The following ABI2 variants were observed in gnomAD, a reference collection of about 807,000 sequenced individuals.
The protein encoded by ABI2 is abl interactor 2.
A neutral mutation model predicts 59.2 loss-of-function variants in ABI2; 25 were observed. The observed-to-expected ratio is 0.42, with a 90% confidence interval of 0.31 to 0.59. The LOEUF is 0.59. ABI2 is among the 20% of genes least tolerant of loss of function. The pLI is 0.14. For synonymous variants in ABI2, 213 were observed against 235.5 expected (o/e 0.90, Z 0.87); for missense variants, 545 against 681.8 (o/e 0.80, Z 2.23).
In ABI2 at chr2:203,417,076, A is replaced by G. The variant is rs2097920497; in HGVS notation, c.1448A>G (p.Glu483Gly). ...DPPWAPRSYL[E>G]KVVAIYDYTK... ...CCGTGGGCTCCACGTTCTTACTTGGAAAAGGGTAAGTTTCAGAAGGATATC... is the reference window on the plus strand; with the variant it reads ...CCGTGGGCTCCACGTTCTTACTTGGGAAAGGGTAAGTTTCAGAAGGATATC... Residue 483 changes from glutamate to glycine, a missense_variant, in exon 11 of 12, where the codon GAA (glutamate) becomes GGA (glycine). Glu to Gly is a moderately conservative substitution (Grantham distance 98). Around this residue, in one of 4 missense-constraint regions of ABI2, gnomAD observed 44 missense variants for 106.4 expected, o/e 0.41. Coordinates refer to ENST00000261018, the MANE Select transcript of ABI2 (RefSeq NM_001375670.1). 3.1e-6 allele frequency: 5 copies of G among 1,608,074 alleles called. No individual in the cohort carries two copies. The highest frequency in any genetic ancestry group is 2.2e-5 in the East Asian group (1 of 44,684).
chr2:203,333,528 G>A (rs2074970864), intron 1 of ABI2, among the ~76,000 whole-genome samples: 1 of 152,098 alleles, frequency 6.6e-6, no homozygotes, highest in African/African-American at 2.4e-5. Context: ...AGAGTAAGGA[G>A]ACTGAGTAGA....
At chr2:203,346,804 T>G (rs2083892007) in intron 1 of ABI2, among the ~76,000 whole-genome samples, 1 of 152,160 alleles carries the variant, frequency 6.6e-6, no homozygotes, top group South Asian at 2.1e-4. Flanking sequence ...AAGGAGGGGA[T>G]GTGATGTATG....
At position 203,395,656 on chromosome 2, in the gene ABI2, C is replaced by T. The variant is rs1417686243; in HGVS notation, c.726C>T (p.Ser242=). The change falls in exon 7 of 12, where the codon AGC becomes AGT. Residue 242 remains serine (S), a splice_region_variant and synonymous_variant. Transcript: ENST00000261018. ...GTTTTGGTGGCTCTTATTTCTTTAG[C>T]AGCAGTGGGAGTAGTGGAGGGAGCC... ...ASVNQRNRTY[S]SSGSSGGSHP... is the part of the protein sequence containing the mutation. 6.2e-7 allele frequency: 1 copy of T among 1,606,144 alleles called. No individual in the cohort carries two copies. Among genetic ancestry groups the T allele is most frequent in the East Asian group, 2.3e-5 (1 of 44,372 alleles).
chr2:203,420,926 G>A lies in ABI2; in HGVS notation c.1453+3845G>A, dbSNP rs546868208. On this transcript the variant is annotated intron_variant, in intron 11 of 11. Coordinates refer to ENST00000261018, the MANE Select transcript of ABI2 (RefSeq NM_001375670.1). ...GGAATCACGTGAGTGAGAGGGCATG[G>A]CTGTTTGGGGCAGAGCAGTGTCCAG... Among the ~76,000 whole-genome samples, 20 of 148,648 alleles carry A rather than the reference G, an allele frequency of 1.3e-4. 1 individual carries two copies. The East Asian group carries it at 4.0e-3, about 30-fold the overall frequency.
At chr2:203,363,143 C>T (rs2093769327) in intron 1 of ABI2, among the ~76,000 whole-genome samples, 1 of 44,972 alleles carries the variant, frequency 2.2e-5, no homozygotes, top group Non-Finnish European at 4.2e-5. Context: ...ATTTTAAATA[C>T]TTTTACATTA....
At chr2:203,353,900 A>G (rs1033283357) in intron 1 of ABI2, among the ~76,000 whole-genome samples, 1 of 152,180 alleles carries the variant, frequency 6.6e-6, no homozygotes, top group South Asian at 2.1e-4. Context: ...CATTTTTACT[A>G]TGAGATATGG....
intron 10 of ABI2, among the ~76,000 whole-genome samples, chr2:203,414,456 T>TCC (rs2097806762): frequency 6.6e-6 from 1 of 152,030 alleles, no homozygotes; most frequent in Non-Finnish European, 1.5e-5. Context: ...CATCCTACCC[T>TCC]CCCCTCTTCC....
Position 203,430,343 on chromosome 2 carries a change from T to C in ABI2, c.*2991T>C, listed in dbSNP as rs935263252. ...CAATAAAGCAACCATTTTATCAAGA[T>C]AGAGGGATTCTAATGGGAGAGGGGA... is the stretch of plus-strand genomic sequence containing the variant. On this transcript the variant is annotated 3_prime_UTR_variant, in exon 12 of 12. Coordinates refer to ENST00000261018, the MANE Select transcript of ABI2 (RefSeq NM_001375670.1). 6.6e-6 allele frequency: 1 copy of C among 152,150 alleles called. No individual in the cohort carries two copies. The highest frequency in any genetic ancestry group is 2.4e-5 in the African/African-American group (1 of 41,422). The allele number at this position is 152,150 out of a possible 1,614,324, so 9.4% of individuals were successfully genotyped here.
chr2:203,415,868 T>G (rs1225470242), intron 10 of ABI2, among the ~76,000 whole-genome samples: 1 of 152,212 alleles, frequency 6.6e-6, no homozygotes, highest in Non-Finnish European at 1.5e-5. Flanking sequence ...GAAGATAATC[T>G]TTTTGATGTT....
At chr2:203,376,526 AAAG>A (rs1342716632) in intron 2 of ABI2, among the ~76,000 whole-genome samples, 1 of 152,206 alleles carries the variant, frequency 6.6e-6, no homozygotes, top group African/African-American at 2.4e-5. Context: ...TTTGATATAA[AAAG>A]CAACAACAAA....
At position 203,391,108 on chromosome 2, in the gene ABI2, C is replaced by T; in HGVS notation, c.543C>T (p.Pro181=). Residue 181 remains proline (P), a synonymous_variant, in exon 5 of 12, where the codon CCC becomes CCT. Transcript: ENST00000261018. ...GTACAACACCTCCAACTCAGAAGCC[C>T]CCTAGTCCCCCTATGTCAGGGAAAG... ...LPRTTPPTQK[P]PSPPMSGKGT... 3 of 1,613,700 alleles carry T rather than the reference C, an allele frequency of 1.9e-6. No individual in the cohort carries two copies. Among genetic ancestry groups the T allele is most frequent in the South Asian group, 2.2e-5 (2 of 90,970 alleles).
intron 3 of ABI2, 149 bp downstream of exon 3, chr2:203,380,533 G>C (rs140750193): frequency 3.4e-4 from 149 of 442,672 alleles, no homozygotes; most frequent in African/African-American, 2.4e-3. Flanking sequence ...TACTATAACT[G>C]TTTTACCCTT....
At chr2:203,352,980 G>A (rs1189224768) in intron 1 of ABI2, among the ~76,000 whole-genome samples, 1 of 152,220 alleles carries the variant, frequency 6.6e-6, no homozygotes, top group Non-Finnish European at 1.5e-5. Flanking sequence ...GGTTTGTCGT[G>A]TAGGAGCAGT....
rs2096427631 is a variant in ABI2 at position 203,385,139 on chromosome 2, C to CATTTTTTTTTTTTTTTTTTTT, written c.480+2933_480+2934insATTTTTTTTTTTTTTTTTTTT. On this transcript the variant is annotated intron_variant, in intron 4 of 11. Transcript: ENST00000261018. ...TGAGCCACCGCACCCGGCTCAGATT[C>CATTTTTTTTTTTTTTTTTTTT]TTTTTTTTTTTTTGAGACAGTCTTG... 2.9e-5 allele frequency among the ~76,000 whole-genome samples: 2 copies of CATTTTTTTTTTTTTTTTTTTT among 69,938 alleles called. 1 individual carries two copies. The highest frequency in any genetic ancestry group is 5.7e-5 in the Non-Finnish European group (2 of 34,800). 45.9% of individuals were successfully genotyped at this position (69,938 alleles called of 152,430 possible).
intron 11 of ABI2, among the ~76,000 whole-genome samples, chr2:203,423,181 T>C (rs940582694): frequency 2.6e-5 from 4 of 152,244 alleles, no homozygotes; most frequent in African/African-American, 9.6e-5. Flanking sequence ...ATTGTTATTT[T>C]AGTATCACCT....
chr2:203,408,279 C>T, intron 9 of ABI2, among the ~76,000 whole-genome samples: 1 of 151,420 alleles, frequency 6.6e-6, no homozygotes, highest in Admixed American at 6.6e-5. Flanking sequence ...TCTCCTGGTT[C>T]AGCCTCCCGA....
intron 1 of ABI2, chr2:203,328,893 C>CCTCGGCCGCCCCCGCA: frequency 3.4e-6 from 1 of 293,208 alleles, no homozygotes; most frequent in Admixed American, 5.3e-5. Context: ...CCGCTCCCGC[C>CCTCGGCCGCCCCCGCA]CTCGGCCGCC....
At chr2:203,334,188 G>A (rs368989918) in intron 1 of ABI2, among the ~76,000 whole-genome samples, 1 of 151,972 alleles carries the variant, frequency 6.6e-6, no homozygotes, top group Non-Finnish European at 1.5e-5. Flanking sequence ...TGATCCACCC[G>A]CCTTGGCCTT....
rs1273242102 is a variant in ABI2, at chr2:203,431,173, C to CT, written c.*3822dup. 2 of 152,460 alleles carry CT rather than the reference C, an allele frequency of 1.3e-5. No homozygotes were observed. Among genetic ancestry groups the CT allele is most frequent in the Non-Finnish European group, 2.9e-5 (2 of 68,032 alleles). The allele number at this position is 152,460 out of a possible 1,614,324, so 9.4% of individuals were successfully genotyped here. ...TTCCCCCATATAAGATTTAGAATCA[C>CT]TGAGTTTGAGCTAGATGAAATTTTT... On this transcript the variant is annotated 3_prime_UTR_variant, in exon 12 of 12. Transcript: ENST00000261018.
Sources: allele counts gnomAD v4.1 joint callset (sites outside exome capture counted in the v4.1 genomes callset), GRCh38; gene constraint gnomAD v4.1.1; regional missense constraint gnomAD v4.1.1; transcripts MANE v1.5; gene names NCBI Gene and HGNC (gene_info 2026-07-23, HGNC 2026-07-21).